Variants in CACNA2D3 observed in about 807,000 individuals in gnomAD.
CACNA2D3 encodes voltage-dependent calcium channel subunit alpha-2/delta-3.
A neutral mutation model predicts 160.6 loss-of-function variants in CACNA2D3; 60 were observed. That is an observed-to-expected ratio of 0.37 (90% confidence interval 0.30 to 0.46). The LOEUF is 0.46. CACNA2D3 is among the 20% of genes least tolerant of loss of function. The pLI, the probability that CACNA2D3 is intolerant of heterozygous loss-of-function variation, is 1.00. For synonymous variants in CACNA2D3, 558 were observed against 492.9 expected (o/e 1.13, Z -1.75); for missense variants, 1,205 against 1,365.0 (o/e 0.88, Z 1.85).
At chr3:54,473,093 G>A (rs1053490560) in intron 4 of CACNA2D3, among the ~76,000 whole-genome samples, 39 of 152,130 alleles carry the variant, frequency 2.6e-4, no homozygotes, top group African/African-American at 9.4e-4. Context: ...TAAGCAAAAA[G>A]AATAAAGCTG....
Position 54,581,866 on chromosome 3 carries a change from A to G in CACNA2D3, c.952A>G (p.Thr318Ala). 6.2e-7 allele frequency: 1 copy of G among 1,613,826 alleles called. No homozygotes were observed. Among genetic ancestry groups the G allele is most frequent in the Non-Finnish European group, 8.5e-7 (1 of 1,179,822 alleles). ...TGGAACTTTGGTGCAAGCCGACAGG[A>G]CAAACAAAGAGGTAGGGGCAGCTCG... ...LNGTLVQADR[T>A]NKEHFREHLD... Residue 318 changes from threonine (T) to alanine (A), a missense_variant, in exon 9 of 38, where the codon ACA (threonine) becomes GCA (alanine). Physicochemically the swap from Thr to Ala is moderately conservative, Grantham distance 58. Coordinates refer to ENST00000474759, the MANE Select transcript of CACNA2D3 (RefSeq NM_018398.3).
At chr3:54,773,234 C>T (rs1702352525) in intron 13 of CACNA2D3, among the ~76,000 whole-genome samples, 2 of 152,176 alleles carry the variant, frequency 1.3e-5, no homozygotes, top group South Asian at 4.1e-4. Flanking sequence ...GCACCTAGGC[C>T]ATTTAGGAGT....
chr3:54,169,117 G>A (rs1405327490), intron 2 of CACNA2D3, among the ~76,000 whole-genome samples: 4 of 152,170 alleles, frequency 2.6e-5, no homozygotes, highest in Non-Finnish European at 5.9e-5. Flanking sequence ...GTTGTGACAC[G>A]AGAGACCCCA....
intron 3 of CACNA2D3, among the ~76,000 whole-genome samples, chr3:54,324,683 A>G (rs1221073033): frequency 6.6e-6 from 1 of 152,116 alleles, no homozygotes; most frequent in Admixed American, 6.6e-5. Context: ...TTGTTCAGAC[A>G]TATTTATGCT....
At chr3:54,864,567 A>C (rs1038082617) in intron 17 of CACNA2D3, among the ~76,000 whole-genome samples, 1 of 152,118 alleles carries the variant, frequency 6.6e-6, no homozygotes, top group African/African-American at 2.4e-5. Context: ...GCTTTGGCCT[A>C]GGTGTTCTTA....
At chr3:54,230,184 A>G (rs968350781) in intron 2 of CACNA2D3, among the ~76,000 whole-genome samples, 6 of 148,440 alleles carry the variant, frequency 4.0e-5, no homozygotes, top group African/African-American at 1.3e-4. Flanking sequence ...TAGTGTTCCT[A>G]GTTTCTGGTT....
At chr3:54,322,281 A>G (rs1704019496) in intron 3 of CACNA2D3, among the ~76,000 whole-genome samples, 1 of 152,020 alleles carries the variant, frequency 6.6e-6, no homozygotes, top group South Asian at 2.1e-4. Flanking sequence ...GAGACCAGTG[A>G]GCAAAGCTGA....
intron 9 of CACNA2D3, among the ~76,000 whole-genome samples, chr3:54,600,104 A>C (rs746199763): frequency 6.6e-6 from 1 of 152,198 alleles, no homozygotes. Context: ...TTGTCTTGCC[A>C]GAACGTTGCC....
rs1209050889 is a variant in CACNA2D3, at chr3:55,033,819, A to T, written c.2987+15502A>T. 1.3e-4 allele frequency among the ~76,000 whole-genome samples: 14 copies of T among 109,458 alleles called. 3 individuals carry two copies. In the East Asian group the frequency reaches 2.4e-3, roughly 18 times the overall value. 71.8% of individuals were successfully genotyped at this position (109,458 alleles called of 152,430 possible). On this transcript the variant is annotated intron_variant, in intron 35 of 37. Coordinates refer to ENST00000474759, the MANE Select transcript of CACNA2D3 (RefSeq NM_018398.3). Reference sequence around the variant, plus strand: ...TTTTATATAATATGTATTATATATTAAATATATTTAATATATAATATATAT... The same window carrying T: ...TTTTATATAATATGTATTATATATTTAATATATTTAATATATAATATATAT...
chr3:54,852,281 A>G (rs1383645689), intron 17 of CACNA2D3, among the ~76,000 whole-genome samples: 2 of 152,226 alleles, frequency 1.3e-5, no homozygotes, highest in East Asian at 1.9e-4. Context: ...TATTCTAGCC[A>G]TGTAGGTTCA....
In CACNA2D3 at chr3:54,865,909, C is replaced by T. The variant is rs187736044; in HGVS notation, c.1627-5630C>T. On this transcript the variant is annotated intron_variant, in intron 17 of 37. Transcript: ENST00000474759. ...GCTGAGTGCCCGTACCTCCATCTTACGGATAAGGAAAATGAGGAAAATGAG... is the reference window on the plus strand; with the variant it reads ...GCTGAGTGCCCGTACCTCCATCTTATGGATAAGGAAAATGAGGAAAATGAG... 1.1e-4 allele frequency among the ~76,000 whole-genome samples: 17 copies of T among 152,222 alleles called. No homozygotes were observed. In the South Asian group the frequency reaches 1.9e-3, roughly 17 times the overall value.
intron 4 of CACNA2D3, among the ~76,000 whole-genome samples, chr3:54,464,044 C>T (rs904957298): frequency 6.6e-6 from 1 of 152,178 alleles, no homozygotes; most frequent in Non-Finnish European, 1.5e-5. Context: ...CACTCCAGAC[C>T]CTGTTTGCCT....
At chr3:54,496,168 A>G (rs1210780727) in intron 4 of CACNA2D3, among the ~76,000 whole-genome samples, 2 of 152,226 alleles carry the variant, frequency 1.3e-5, no homozygotes, top group Non-Finnish European at 2.9e-5. Context: ...GTAAATAGCT[A>G]GAAGTGGAAT....
rs138741023 is a variant in CACNA2D3 at position 54,791,214 on chromosome 3, G to A, written c.1381-25639G>A. Among the ~76,000 whole-genome samples, 147 of 152,264 alleles carry A rather than the reference G, an allele frequency of 9.7e-4. 1 individual carries two copies. The highest frequency in any genetic ancestry group is 7.4e-3 in the Admixed American group (113 of 15,300). On this transcript the variant is annotated intron_variant, in intron 13 of 37. Coordinates refer to ENST00000474759, the MANE Select transcript of CACNA2D3 (RefSeq NM_018398.3). ...CATCACCAGGAATTTGCTAACATCC[G>A]TGTGCATATGACATTATATGAGGAC... is the stretch of plus-strand genomic sequence containing the variant.
At chr3:54,752,797 G>A in intron 12 of CACNA2D3, 120 bp downstream of exon 12, 1 of 640,956 alleles carries the variant, frequency 1.6e-6, no homozygotes, top group South Asian at 2.0e-5. Context: ...GTATATCTAA[G>A]TGATTACTGA....
intron 11 of CACNA2D3, among the ~76,000 whole-genome samples, chr3:54,643,633 A>T (rs1403660369): frequency 3.3e-5 from 5 of 152,234 alleles, no homozygotes; most frequent in African/African-American, 1.2e-4. Flanking sequence ...ATTAGATGTC[A>T]GCAGTAGTTC....
chr3:54,280,105 G>A (rs938465989), intron 2 of CACNA2D3, among the ~76,000 whole-genome samples: 3 of 149,666 alleles, frequency 2.0e-5, no homozygotes, highest in Admixed American at 6.7e-5. Flanking sequence ...TATTTGAGAC[G>A]GAGTCTTGTT....
Position 54,308,382 on chromosome 3 carries a change from G to A in CACNA2D3, c.205-12060G>A, listed in dbSNP as rs375250830. On this transcript the variant is annotated intron_variant, in intron 2 of 37. Transcript: ENST00000474759. ...CATGAGCAGAACTGATAAGGGCCAC[G>A]TCCAGGCTAAGGAGTTCAAGAAGCA... 3.9e-5 allele frequency among the ~76,000 whole-genome samples: 6 copies of A among 152,108 alleles called. No individual in the cohort carries two copies. In the East Asian group the frequency reaches 7.7e-4, roughly 20 times the overall value.
At chr3:54,139,315 C>G (rs1699875612) in intron 2 of CACNA2D3, among the ~76,000 whole-genome samples, 2 of 152,256 alleles carry the variant, frequency 1.3e-5, no homozygotes, top group African/African-American at 2.4e-5. Flanking sequence ...GGGAGGCATG[C>G]ACGGGCTGCT....
Sources: gnomAD v4.1 joint callset for allele counts (sites outside exome capture counted in the v4.1 genomes callset) on GRCh38, gnomAD v4.1.1 for gene constraint, MANE v1.5 for transcripts, NCBI Gene and HGNC (gene_info 2026-07-23, HGNC 2026-07-21) for gene names.